Variants in SLCO5A1 observed in about 807,000 individuals in gnomAD.
SLCO5A1 encodes organic anion transporter polypeptide-related protein 4.
A neutral mutation model predicts 65.1 loss-of-function variants in SLCO5A1; 39 were observed. The observed-to-expected ratio is 0.60, with a 90% confidence interval of 0.46 to 0.78. The LOEUF is 0.78. SLCO5A1 is among the 30% of genes least tolerant of loss of function. SLCO5A1 has a pLI of 0.00. For synonymous variants in SLCO5A1, 438 were observed against 415.7 expected (o/e 1.05, Z -0.65); for missense variants, 1,029 against 1,069.4 (o/e 0.96, Z 0.53).
intron 2 of SLCO5A1, among the ~76,000 whole-genome samples, chr8:69,805,803 G>C (rs1354577831): frequency 2.6e-5 from 4 of 152,326 alleles, no homozygotes; most frequent in Non-Finnish European, 4.4e-5. Flanking sequence ...TCCCATAGCA[G>C]CGTTGGGGAG....
chr8:69,795,812 C>T (rs542363407), intron 2 of SLCO5A1, among the ~76,000 whole-genome samples: 1 of 152,354 alleles, frequency 6.6e-6, no homozygotes, highest in Admixed American at 6.5e-5. Context: ...CTGCAGCAGG[C>T]TTCTACCTGG....
Position 69,733,263 on chromosome 8 carries a change from G to A in SLCO5A1, c.1423+4777C>T, listed in dbSNP as rs116314082. ...TAATTTTCTTTACTGTGATATGATC[G>A]GGTTGTATTTTTCCATTTATATTGT... On this transcript the variant is annotated intron_variant, in intron 5 of 9. Transcript: ENST00000260126. Among the ~76,000 whole-genome samples, 993 of 152,194 alleles carry A rather than the reference G, an allele frequency of 6.5e-3. 10 individuals carry two copies. Among genetic ancestry groups the A allele is most frequent in the African/African-American group, 0.023 (936 of 41,508 alleles).
chr8:69,722,970 T>C (rs917494274), intron 5 of SLCO5A1, among the ~76,000 whole-genome samples: 8 of 152,180 alleles, frequency 5.3e-5, no homozygotes, highest in Non-Finnish European at 8.8e-5. Flanking sequence ...AGTAAATATA[T>C]ATTCTTTGGC....
At chr8:69,795,855 C>A (rs1217730207) in intron 2 of SLCO5A1, among the ~76,000 whole-genome samples, 2 of 152,250 alleles carry the variant, frequency 1.3e-5, no homozygotes, top group Non-Finnish European at 1.5e-5. Context: ...CCTCTGAAAT[C>A]TAGGTGGAGG....
chr8:69,814,155 C>G (rs918560813), intron 2 of SLCO5A1, among the ~76,000 whole-genome samples: 5 of 151,934 alleles, frequency 3.3e-5, no homozygotes, highest in Non-Finnish European at 7.4e-5. Flanking sequence ...AATATGACCC[C>G]AAAAGTGCAG....
At chr8:69,780,384 A>G (rs1204399124) in intron 2 of SLCO5A1, among the ~76,000 whole-genome samples, 1 of 152,250 alleles carries the variant, frequency 6.6e-6, no homozygotes, top group Non-Finnish European at 1.5e-5. Flanking sequence ...TCACAATAGC[A>G]AAGATACGGA....
intron 2 of SLCO5A1, among the ~76,000 whole-genome samples, chr8:69,767,264 A>C (rs1818100314): frequency 6.6e-6 from 1 of 152,162 alleles, no homozygotes; most frequent in Non-Finnish European, 1.5e-5. Flanking sequence ...CATTCATCTG[A>C]GATTAAATGT....
intron 6 of SLCO5A1, among the ~76,000 whole-genome samples, chr8:69,693,214 C>G (rs1377470066): frequency 6.6e-6 from 1 of 152,214 alleles, no homozygotes; most frequent in Non-Finnish European, 1.5e-5. Context: ...ATTCATCTGT[C>G]TATGGACATT....
chr8:69,752,542 A>G (rs1484024328), intron 4 of SLCO5A1, among the ~76,000 whole-genome samples: 1 of 152,214 alleles, frequency 6.6e-6, no homozygotes, highest in Non-Finnish European at 1.5e-5. Flanking sequence ...GATATGTATT[A>G]GATACACTAA....
intron 3 of SLCO5A1, among the ~76,000 whole-genome samples, chr8:69,760,956 A>G (rs1441604785): frequency 6.6e-6 from 1 of 152,238 alleles, no homozygotes; most frequent in African/African-American, 2.4e-5. Context: ...GACAATGGAA[A>G]AGCAGGACTG....
chr8:69,697,227 G>C (rs926670867), intron 6 of SLCO5A1, among the ~76,000 whole-genome samples: 7 of 152,148 alleles, frequency 4.6e-5, no homozygotes, highest in Non-Finnish European at 8.8e-5. Flanking sequence ...GGATGCAACT[G>C]TTATATAGAT....
chr8:69,761,523 C>A, intron 3 of SLCO5A1: 1 of 530,094 alleles, frequency 1.9e-6, no homozygotes, highest in Non-Finnish European at 3.3e-6. Context: ...TTAATCACAT[C>A]TGCAAAGTCC....
Position 69,684,737 on chromosome 8 carries a change from C to T in SLCO5A1, c.1623-2394G>A, listed in dbSNP as rs554490623. 3.7e-4 allele frequency among the ~76,000 whole-genome samples: 56 copies of T among 152,326 alleles called. No homozygotes were observed. In the South Asian group the frequency reaches 4.6e-3, roughly 12 times the overall value. Reference sequence around the variant, plus strand: ...AGCCATTTTGCTGTACACTGCTTCTCTAATAAACTTGTTTTCTTTCACTGC... The same window carrying T: ...AGCCATTTTGCTGTACACTGCTTCTTTAATAAACTTGTTTTCTTTCACTGC... On this transcript the variant is annotated intron_variant, in intron 6 of 9. Transcript: ENST00000260126.
At chr8:69,833,777 TG>T (rs1355942529) in intron 1 of SLCO5A1, 4 of 152,200 alleles carry the variant, frequency 2.6e-5, no homozygotes, top group African/African-American at 9.7e-5. Flanking sequence ...TCAACATGCT[TG>T]CCTCTTTATT....
chr8:69,748,499 A>G (rs761928463), intron 4 of SLCO5A1, among the ~76,000 whole-genome samples: 5 of 152,206 alleles, frequency 3.3e-5, no homozygotes, highest in African/African-American at 4.8e-5. Flanking sequence ...AAAATAATAG[A>G]CAGGAAAGAA....
At chr8:69,782,638 A>G (rs1818844951) in intron 2 of SLCO5A1, among the ~76,000 whole-genome samples, 1 of 152,062 alleles carries the variant, frequency 6.6e-6, no homozygotes, top group African/African-American at 2.4e-5. Flanking sequence ...AATAAGAAAG[A>G]GAACTTATAA....
intron 2 of SLCO5A1, among the ~76,000 whole-genome samples, chr8:69,826,746 T>C (rs1384600052): frequency 6.6e-6 from 1 of 152,182 alleles, no homozygotes; most frequent in Admixed American, 6.5e-5. Context: ...TGGCGATTCC[T>C]CAGGGATCTA....
intron 9 of SLCO5A1, among the ~76,000 whole-genome samples, chr8:69,675,997 A>G (rs1329746754): frequency 2.0e-5 from 3 of 152,218 alleles, no homozygotes; most frequent in Admixed American, 6.5e-5. Context: ...TGGTGTTTGT[A>G]AAAATAAGAC....
intron 9 of SLCO5A1, among the ~76,000 whole-genome samples, chr8:69,676,204 A>T (rs190293703): frequency 6.6e-6 from 1 of 152,334 alleles, no homozygotes; most frequent in Admixed American, 6.5e-5. Context: ...CAATAAAATT[A>T]CTGTAAAGAA....
Sources: allele counts gnomAD v4.1 joint callset (sites outside exome capture counted in the v4.1 genomes callset), GRCh38; gene constraint gnomAD v4.1.1; transcripts MANE v1.5; gene names NCBI Gene and HGNC (gene_info 2026-07-23, HGNC 2026-07-21).